FSTL5: variants seen among roughly 807,000 people sequenced by gnomAD.
The protein encoded by FSTL5 is follistatin-related protein 5.
A neutral mutation model predicts 89.1 loss-of-function variants in FSTL5; 62 were observed. The observed-to-expected ratio is 0.70, with a 90% CI of 0.57 to 0.86. FSTL5 has a LOEUF of 0.86. Ranked by LOEUF, FSTL5 falls within the 40% of genes least tolerant of loss-of-function variation. The pLI is 0.00. For missense variants in FSTL5, 1,057 were observed against 1,001.6 expected (o/e 1.06, Z -0.75); for synonymous variants, 383 against 346.2 (o/e 1.11, Z -1.18).
At chr4:161,696,418 T>A (rs1413566937) in intron 6 of FSTL5, among the ~76,000 whole-genome samples, 1 of 152,140 alleles carries the variant, frequency 6.6e-6, no homozygotes, top group Non-Finnish European at 1.5e-5. Flanking sequence ...GTTCTTTTTG[T>A]TTAGTCTTGC....
chr4:161,583,780 T>C (rs1277883339), intron 8 of FSTL5, among the ~76,000 whole-genome samples: 1 of 152,148 alleles, frequency 6.6e-6, no homozygotes, highest in Non-Finnish European at 1.5e-5. Flanking sequence ...AAACTGAAAT[T>C]GCCAGCTGCT....
rs140042622 is a variant in FSTL5, at chr4:162,130,626, A to G, written c.-16-19214T>C. 7.7e-3 allele frequency among the ~76,000 whole-genome samples: 1,166 copies of G among 152,314 alleles called. 13 individuals are homozygous for G. Among genetic ancestry groups the G allele is most frequent in the African/African-American group, 0.025 (1,048 of 41,568 alleles). Reference sequence around the variant, plus strand: ...CCAGATATGTCAAGCCCCACAGAGTAAAAACAATATAATAATGACAATAGC... The same window carrying G: ...CCAGATATGTCAAGCCCCACAGAGTGAAAACAATATAATAATGACAATAGC... On this transcript the variant is annotated intron_variant, in intron 1 of 15. Transcript: ENST00000306100.
At position 161,385,701 on chromosome 4, in the gene FSTL5, C is replaced by T. The variant is rs763158960; in HGVS notation, c.*46G>A. 20 of 1,279,972 alleles carry T rather than the reference C, an allele frequency of 1.6e-5. No homozygotes were observed. Among genetic ancestry groups the T allele is most frequent in the Non-Finnish European group, 2.2e-5 (20 of 916,378 alleles). The allele number at this position is 1,279,972 out of a possible 1,614,324, so 79.3% of individuals were successfully genotyped here. A position where few individuals can be genotyped will look rare whatever the true frequency, so the allele number is the denominator to read the frequency against. ...GTAAATTTAAACAATGGATTAAGTGCAATGTATTGTAAAACGCTTCATTCA... is the reference window on the plus strand; with the variant it reads ...GTAAATTTAAACAATGGATTAAGTGTAATGTATTGTAAAACGCTTCATTCA... On this transcript the variant is annotated 3_prime_UTR_variant, in exon 16 of 16. Transcript: ENST00000306100.
chr4:162,105,344 CT>C, intron 2 of FSTL5, among the ~76,000 whole-genome samples: 1 of 152,244 alleles, frequency 6.6e-6, no homozygotes, highest in South Asian at 2.1e-4. Flanking sequence ...ATAACTGAAA[CT>C]TTTACAAACA....
intron 3 of FSTL5, among the ~76,000 whole-genome samples, chr4:161,931,499 G>C (rs1021265688): frequency 2.0e-5 from 3 of 151,810 alleles, no homozygotes; most frequent in Admixed American, 2.0e-4. Context: ...GAGAAGTGGA[G>C]GAAATTCTTG....
At chr4:161,660,034 T>C (rs1383223416) in intron 6 of FSTL5, among the ~76,000 whole-genome samples, 1 of 152,178 alleles carries the variant, frequency 6.6e-6, no homozygotes. Context: ...GTGTAACATA[T>C]GGTACCGAGT....
At chr4:161,803,427 C>G in intron 4 of FSTL5, among the ~76,000 whole-genome samples, 1 of 151,934 alleles carries the variant, frequency 6.6e-6, no homozygotes, top group East Asian at 1.9e-4. Context: ...TAAAAATACT[C>G]ATAGTGATAA....
chr4:161,446,592 A>G (rs1277423760), intron 15 of FSTL5, among the ~76,000 whole-genome samples: 1 of 152,072 alleles, frequency 6.6e-6, no homozygotes, highest in Non-Finnish European at 1.5e-5. Flanking sequence ...ACCTCAATGT[A>G]CATTATCTTT....
chr4:161,584,395 A>G (rs532021564), intron 8 of FSTL5, among the ~76,000 whole-genome samples: 33 of 152,348 alleles, frequency 2.2e-4, no homozygotes, highest in African/African-American at 5.5e-4. Flanking sequence ...ATTAGATCAC[A>G]TCAATTTTAA....
At chr4:161,966,843 T>C (rs1021089086) in intron 3 of FSTL5, among the ~76,000 whole-genome samples, 3 of 152,072 alleles carry the variant, frequency 2.0e-5, no homozygotes, top group African/African-American at 7.2e-5. Flanking sequence ...ATGGAGACAC[T>C]TCCTTAATCT....
At chr4:161,873,946 T>G (rs2126903030) in intron 4 of FSTL5, among the ~76,000 whole-genome samples, 1 of 152,218 alleles carries the variant, frequency 6.6e-6, no homozygotes, top group Non-Finnish European at 1.5e-5. Context: ...GTTGTGAAAT[T>G]ATATTTGGAT....
At chr4:161,647,227 G>T (rs1736182752) in intron 7 of FSTL5, among the ~76,000 whole-genome samples, 1 of 152,132 alleles carries the variant, frequency 6.6e-6, no homozygotes, top group African/African-American at 2.4e-5. Flanking sequence ...TGAATATCCA[G>T]TCCTCTCAAC....
chr4:162,111,316 T>C lies in FSTL5; in HGVS notation c.81A>G (p.Gly27=), dbSNP rs748730379. The change falls in exon 2 of 16, where the codon GGA becomes GGG. Residue 27 remains glycine (G), a synonymous_variant. Transcript: ENST00000306100. ...GAGGCTGATAGGATTTAAGGCCATATCCTCCTTCTTTGGTTGGCCTTCCTT... is the reference window on the plus strand; with the variant it reads ...GAGGCTGATAGGATTTAAGGCCATACCCTCCTTCTTTGGTTGGCCTTCCTT... ...ESEGRPTKEG[G]YGLKSYQPLM... The C allele has an allele frequency of 5.6e-6, 9 of 1,612,060 alleles. No homozygotes were observed. Among genetic ancestry groups the C allele is most frequent in the Non-Finnish European group, 5.9e-6 (7 of 1,178,486 alleles).
intron 4 of FSTL5, among the ~76,000 whole-genome samples, chr4:161,852,450 G>T (rs1367568049): frequency 6.6e-6 from 1 of 152,088 alleles, no homozygotes; most frequent in Non-Finnish European, 1.5e-5. Flanking sequence ...TTATTAAAAA[G>T]TATAGAAACA....
At position 161,748,016 on chromosome 4, in the gene FSTL5, G is replaced by T. The variant is rs563396907; in HGVS notation, c.727+11395C>A. Among the ~76,000 whole-genome samples, 5 of 152,114 alleles carry T rather than the reference G, an allele frequency of 3.3e-5. No homozygotes were observed. The East Asian group carries it at 5.8e-4, about 18-fold the overall frequency. ...TAGAGGTAGATTATAAATTTAAAAA[G>T]AATGTATAATATAATATCCTTAAGA... On this transcript the variant is annotated intron_variant, in intron 6 of 15. Transcript: ENST00000306100.
At chr4:161,827,786 G>C (rs1730712422) in intron 4 of FSTL5, among the ~76,000 whole-genome samples, 1 of 152,130 alleles carries the variant, frequency 6.6e-6, no homozygotes, top group Non-Finnish European at 1.5e-5. Context: ...CAAAAGGCTG[G>C]TCTCACTCCC....
In FSTL5 at chr4:162,042,894, A is replaced by T. The variant is rs183784497; in HGVS notation, c.127-9236T>A. On this transcript the variant is annotated intron_variant, in intron 2 of 15. Coordinates refer to ENST00000306100, the MANE Select transcript of FSTL5 (RefSeq NM_020116.5). ...TCTCACTCATAGGTGGGAATTGAAC[A>T]ATGAGATCACATGGACACAGGAAGG... Among the ~76,000 whole-genome samples the T allele has an allele frequency of 2.9e-5, 4 of 139,842 alleles. No homozygotes were observed. In the East Asian group the frequency reaches 8.9e-4, roughly 31 times the overall value. 91.7% of individuals were successfully genotyped at this position (139,842 alleles called of 152,430 possible).
intron 10 of FSTL5, among the ~76,000 whole-genome samples, chr4:161,520,078 T>C (rs34243077): frequency 1.4e-4 from 21 of 151,988 alleles, no homozygotes; most frequent in Non-Finnish European, 2.8e-4. Flanking sequence ...TACCTTAACC[T>C]TTAGTTAGGG....
At chr4:162,133,049 TCTC>T (rs1732372455) in intron 1 of FSTL5, among the ~76,000 whole-genome samples, 1 of 152,190 alleles carries the variant, frequency 6.6e-6, no homozygotes, top group Non-Finnish European at 1.5e-5. Context: ...TTCACGCCCT[TCTC>T]CTACCTCACT....
Sources: allele counts gnomAD v4.1 joint callset (sites outside exome capture counted in the v4.1 genomes callset), GRCh38; gene constraint gnomAD v4.1.1; transcripts MANE v1.5; gene names NCBI Gene and HGNC (gene_info 2026-07-23, HGNC 2026-07-21).